ESR1: variants seen among roughly 807,000 people sequenced by gnomAD.
ESR1 encodes estrogen receptor 1, also known as estrogen receptor.
ESR1 carries 12 observed loss-of-function variants against 52.7 expected under a neutral mutation model. The ratio of observed to expected loss-of-function variants is 0.23; its 90% CI spans 0.15 to 0.37. The LOEUF is 0.37. ESR1 is among the 10% of genes least tolerant of loss of function. The pLI is 1.00. For synonymous variants in ESR1, 305 were observed against 316.8 expected (o/e 0.96, Z 0.39); for missense variants, 584 against 779.7 (o/e 0.75, Z 2.99).
chr6:151,681,914 G>A (rs1778476681), intron 1 of ESR1, among the ~76,000 whole-genome samples: 1 of 152,120 alleles, frequency 6.6e-6, no homozygotes, highest in Non-Finnish European at 1.5e-5. Flanking sequence ...GAGGTGCTGG[G>A]GTCGCTTGCA....
chr6:151,770,006 C>A (rs1174113095), intron 2 of ESR1, among the ~76,000 whole-genome samples: 1 of 141,800 alleles, frequency 7.1e-6, no homozygotes, highest in Non-Finnish European at 1.5e-5. Context: ...CCGGCCTGGG[C>A]GACAGAGTGA....
intron 3 of ESR1, among the ~76,000 whole-genome samples, chr6:151,938,162 G>A (rs560895176): frequency 2.6e-5 from 4 of 152,246 alleles, no homozygotes; most frequent in Admixed American, 6.5e-5. Flanking sequence ...ATACATGAAC[G>A]TAGTCATGGG....
intron 3 of ESR1, among the ~76,000 whole-genome samples, chr6:151,898,617 C>A (rs1476158473): frequency 1.3e-5 from 2 of 151,938 alleles, no homozygotes; most frequent in African/African-American, 4.8e-5. Flanking sequence ...GAGCATGCTG[C>A]CTTCAAGCAT....
chr6:151,858,372 C>T (rs920100808), intron 2 of ESR1, among the ~76,000 whole-genome samples: 2 of 152,124 alleles, frequency 1.3e-5, no homozygotes, highest in African/African-American at 2.4e-5. Context: ...GCTCTATATT[C>T]CAGAGAGGAA....
At chr6:151,807,259 A>T (rs1778019623), upstream of ESR1, 1 of 161,520 alleles carries the variant, frequency 6.2e-6, no homozygotes, top group Non-Finnish European at 1.4e-5. Context: ...CCCCAGGGTC[A>T]TCCTATGTAC....
chr6:151,956,863 A>ATATAT (rs1175773832), intron 4 of ESR1, among the ~76,000 whole-genome samples: 5 of 53,904 alleles, frequency 9.3e-5, no homozygotes, highest in South Asian at 4.7e-4. Flanking sequence ...TATATATATA[A>ATATAT]ATATATATAT....
At chr6:152,058,873 C>G (rs1475353887) in intron 5 of ESR1, among the ~76,000 whole-genome samples, 1 of 152,076 alleles carries the variant, frequency 6.6e-6, no homozygotes, top group Non-Finnish European at 1.5e-5. Context: ...GGTTGATAAG[C>G]AATGTGATTT....
intron 6 of ESR1, among the ~76,000 whole-genome samples, chr6:152,067,191 T>G (rs1486023413): frequency 1.3e-5 from 2 of 152,188 alleles, no homozygotes; most frequent in African/African-American, 2.4e-5. Context: ...AAGTCCCAAA[T>G]GGTGTGGATT....
chr6:151,975,467 G>A (rs1046236230), intron 4 of ESR1, among the ~76,000 whole-genome samples: 3 of 151,802 alleles, frequency 2.0e-5, no homozygotes, highest in Non-Finnish European at 4.4e-5. Context: ...AATCAATCAA[G>A]ACAAAAAGAG....
chr6:151,877,749 G>A (rs1175121620), intron 2 of ESR1, among the ~76,000 whole-genome samples: 2 of 151,980 alleles, frequency 1.3e-5, no homozygotes, highest in Non-Finnish European at 2.9e-5. Context: ...AGTAATATTT[G>A]GTTTGAATGG....
intron 2 of ESR1, among the ~76,000 whole-genome samples, chr6:151,731,829 C>G: frequency 6.6e-6 from 1 of 152,156 alleles, no homozygotes; most frequent in Middle Eastern, 3.2e-3. Flanking sequence ...GAGGTTAAAT[C>G]TACAGTTATG....
chr6:151,677,591 G>A (rs186049086), intron 1 of ESR1, among the ~76,000 whole-genome samples: 496 of 152,298 alleles, frequency 3.3e-3, no homozygotes, highest in Admixed American at 5.6e-3. Flanking sequence ...TGATTACGCA[G>A]CATTTGTTCC....
chr6:152,125,182 C>T, intron 6 of ESR1: 2 of 1,480,194 alleles, frequency 1.4e-6, no homozygotes, highest in Admixed American at 2.1e-5. Flanking sequence ...AATCCCTGCC[C>T]ACCGCACTCT....
intron 5 of ESR1, among the ~76,000 whole-genome samples, chr6:152,038,186 A>AT (rs894086875): frequency 1.3e-5 from 2 of 152,200 alleles, no homozygotes; most frequent in Non-Finnish European, 2.9e-5. Flanking sequence ...GGCAGGAAGC[A>AT]TCCGTCATGG....
chr6:151,867,735 G>T (rs1790203370), intron 2 of ESR1, among the ~76,000 whole-genome samples: 2 of 152,218 alleles, frequency 1.3e-5, no homozygotes, highest in Admixed American at 6.5e-5. Context: ...GTGGAAGACA[G>T]TGTGGCGATT....
intron 3 of ESR1, among the ~76,000 whole-genome samples, chr6:151,931,722 G>C (rs913023849): frequency 6.8e-6 from 1 of 146,264 alleles, no homozygotes; most frequent in Non-Finnish European, 1.5e-5. Flanking sequence ...TTGTTCTTGC[G>C]ATAGTTTACT....
At chr6:151,859,235 C>T (rs1323099900) in intron 2 of ESR1, among the ~76,000 whole-genome samples, 2 of 152,022 alleles carry the variant, frequency 1.3e-5, no homozygotes, top group African/African-American at 4.8e-5. Context: ...CAATTTGTAA[C>T]ATGTAGCTAA....
At chr6:151,848,728 G>A (rs190384224) in intron 2 of ESR1, among the ~76,000 whole-genome samples, 147 of 152,174 alleles carry the variant, frequency 9.7e-4, no homozygotes, top group African/African-American at 3.3e-3. Flanking sequence ...TTTGGTCTCC[G>A]TATTTCCACA....
At position 151,996,558 on chromosome 6, in the gene ESR1, G is replaced by GCAAA. The variant is rs2041504621; in HGVS notation, c.1097-15097_1097-15096insAAAC. ...GGGCTCTTCTTAGATTGCAAATGGT[G>GCAAA]CCTCTGGATTGGGTACCAAGACTTG... On this transcript the variant is annotated intron_variant, in intron 4 of 7. Transcript: ENST00000206249. Among the ~76,000 whole-genome samples the GCAAA allele has an allele frequency of 2.0e-5, 3 of 151,968 alleles. No homozygotes were observed. The South Asian group carries it at 6.2e-4, about 32-fold the overall frequency.
Sources: allele counts gnomAD v4.1 joint callset (sites outside exome capture counted in the v4.1 genomes callset), GRCh38; gene constraint gnomAD v4.1.1; transcripts MANE v1.5; gene names NCBI Gene and HGNC (gene_info 2026-07-23, HGNC 2026-07-21).